Variants in OVOL3 observed in about 807,000 individuals in gnomAD.
The protein encoded by OVOL3 is ovo like zinc finger 3.
Under a neutral mutation model 13.6 loss-of-function variants are expected in OVOL3, and 15 were observed. The ratio of observed to expected loss-of-function variants is 1.11; its 90% CI spans 0.74 to 1.70. OVOL3 has a LOEUF of 1.70. Among genes scored for constraint, OVOL3 ranks in the 40% most tolerant of loss-of-function variants. The pLI is 0.00. For missense variants in OVOL3, 290 were observed against 280.6 expected (o/e 1.03, Z -0.24); for synonymous variants, 102 against 108.5 (o/e 0.94, Z 0.37).
chr19:36,113,445 C>G lies in OVOL3; in HGVS notation c.365-8C>G. ...GTCCAGCCCTCCCCTCTGCGCCCAT[C>G]TGTGCAGGGATCCGGCCCTTCCGCT... On this transcript the variant is annotated splice_polypyrimidine_tract_variant and splice_region_variant and intron_variant, in intron 3 of 3. Coordinates refer to ENST00000633214, the MANE Select transcript of OVOL3 (RefSeq NM_001302757.2). 5 of 1,531,378 alleles carry G rather than the reference C, an allele frequency of 3.3e-6. No homozygotes were observed. Among genetic ancestry groups the G allele is most frequent in the Non-Finnish European group, 4.4e-6 (5 of 1,142,930 alleles). 94.9% of individuals were successfully genotyped at this position (1,531,378 alleles called of 1,614,324 possible). A position where few individuals can be genotyped will look rare whatever the true frequency, so the allele number is the denominator to read the frequency against.
At position 36,113,687 on chromosome 19, in the gene OVOL3, G is replaced by A. The variant is rs1057238275; in HGVS notation, c.*26G>A. On this transcript the variant is annotated 3_prime_UTR_variant, in exon 4 of 4. Transcript: ENST00000633214. Reference sequence around the variant, plus strand: ...TACGGTGTGCCAGCGTCCTCCCCACGAGGCAAATAAACACAGAAAACTCAC... The same window carrying A: ...TACGGTGTGCCAGCGTCCTCCCCACAAGGCAAATAAACACAGAAAACTCAC... 1.3e-6 allele frequency: 2 copies of A among 1,560,740 alleles called. No homozygotes were observed. The highest frequency in any genetic ancestry group is 2.4e-5 in the East Asian group (1 of 41,620).
rs1451129520 is a variant in OVOL3, at chr19:36,113,509, CT to C, written c.422del (p.Leu141ArgfsTer?). 3.3e-6 allele frequency: 5 copies of C among 1,536,164 alleles called. No homozygotes were observed. The East Asian group carries it at 9.8e-5, about 30-fold the overall frequency. On this transcript the variant is annotated frameshift_variant, in exon 4 of 4. Transcript: ENST00000633214. LOFTEE classifies it high-confidence loss of function. The part of the protein sequence containing the change: ...CGKAFTQRCS[L>X]EAHLAKVHGQ... ...GAAAGCGTTTACGCAGCGCTGCTCC[CT>C]GGAAGCTCACCTTGCTAAGGTGCAT...
rs771391427 is a variant in OVOL3 at position 36,113,628 on chromosome 19, C to T, written c.540C>T (p.Tyr180=). The T allele has an allele frequency of 5.2e-6, 8 of 1,545,946 alleles. No homozygotes were observed. The highest frequency in any genetic ancestry group is 7.0e-6 in the Non-Finnish European group (8 of 1,146,868). The change falls in exon 4 of 4, where the codon TAC becomes TAT. Residue 180 remains tyrosine (Y), a synonymous_variant. Coordinates refer to ENST00000633214, the MANE Select transcript of OVOL3 (RefSeq NM_001302757.2). The part of the protein sequence containing the change: ...CGFTSSRPDT[Y]AQHRALHRAA ...TCACCAGCTCCCGGCCCGACACCTACGCACAGCACCGCGCCCTGCACCGCG... is the reference window on the plus strand; with the variant it reads ...TCACCAGCTCCCGGCCCGACACCTATGCACAGCACCGCGCCCTGCACCGCG...
rs2145901852 is a variant in OVOL3 at position 36,113,077 on chromosome 19, A to G, written c.364+113A>G. ...CATGGTTTGTGTATGTGGGGTATGGAGAATCAAGACATGATGTCTCTCGGA... is the reference window on the plus strand; with the variant it reads ...CATGGTTTGTGTATGTGGGGTATGGGGAATCAAGACATGATGTCTCTCGGA... On this transcript the variant is annotated intron_variant, in intron 3 of 3. Coordinates refer to ENST00000633214, the MANE Select transcript of OVOL3 (RefSeq NM_001302757.2). 6 of 1,180,378 alleles carry G rather than the reference A, an allele frequency of 5.1e-6. No homozygotes were observed. In the South Asian group the frequency reaches 8.8e-5, roughly 17 times the overall value. The allele number at this position is 1,180,378 out of a possible 1,614,324, so 73.1% of individuals were successfully genotyped here. A position where few individuals can be genotyped will look rare whatever the true frequency, so the allele number is the denominator to read the frequency against.
At chr19:36,112,569 A>G (rs2145901166) in intron 2 of OVOL3, among the ~76,000 whole-genome samples, 191 bp from the exon 3 acceptor site, 1 of 152,180 alleles carries the variant, frequency 6.6e-6, no homozygotes, top group Non-Finnish European at 1.5e-5. Context: ...CTTGGCATAG[A>G]GAAAGTAAGG....
intron 2 of OVOL3, among the ~76,000 whole-genome samples, 172 bp from the exon 3 acceptor site, chr19:36,112,588 A>G (rs1476007254): frequency 6.6e-6 from 1 of 152,018 alleles, no homozygotes; most frequent in African/African-American, 2.4e-5. Context: ...GGACCATGGG[A>G]TAGTGAGGGA....
At position 36,111,420 on chromosome 19, in the gene OVOL3, A is replaced by G. The variant is rs898648442; in HGVS notation, c.146A>G (p.Asp49Gly). 3.2e-5 allele frequency: 49 copies of G among 1,535,834 alleles called. No individual in the cohort carries two copies. Among genetic ancestry groups the G allele is most frequent in the Non-Finnish European group, 4.2e-5 (48 of 1,146,832 alleles). The change falls in exon 2 of 4, where the codon GAT (aspartate) becomes GGT (glycine). Residue 49 changes from aspartate (D) to glycine (G), a missense_variant. Physicochemically the swap from Asp to Gly is moderately conservative, Grantham distance 94. Transcript: ENST00000633214. ...GCACAACAGTCGTCCAGTGTCAGGG[A>G]TCCGTGGACAGCGGTGAGTGTGTAA... ...PPAQQSSSVR[D>G]PWTAQPTQGN...
Position 36,112,850 on chromosome 19 carries a change from A to C in OVOL3, c.250A>C (p.Met84Leu), listed in dbSNP as rs746723273. The stretch of plus-strand genomic sequence containing the variant: ...CCCTAAGGCCTTCCCTCTGCAGCGC[A>C]TGCTGACAAGGCACCTCAAGTGCCA... ...LCPKAFPLQR[M>L]LTRHLKCHSP... The change falls in exon 3 of 4, where the codon ATG becomes CTG. Residue 84 changes from methionine (M) to leucine (L), a missense_variant. Coordinates refer to ENST00000633214, the MANE Select transcript of OVOL3 (RefSeq NM_001302757.2). 2.6e-6 allele frequency: 4 copies of C among 1,536,096 alleles called. No homozygotes were observed. The South Asian group carries it at 4.8e-5, about 18-fold the overall frequency.
Position 36,112,872 on chromosome 19 carries a change from G to A in OVOL3, c.272G>A (p.Cys91Tyr). The change falls in exon 3 of 4, where the codon TGC (cysteine) becomes TAC (tyrosine). Residue 91 changes from cysteine (C) to tyrosine (Y), a missense_variant. By Grantham distance (194) the Cys-to-Tyr change is radical (BLOSUM62 -2). Coordinates refer to ENST00000633214, the MANE Select transcript of OVOL3 (RefSeq NM_001302757.2). ...LQRMLTRHLK[C>Y]HSPVRRHLCR... ...CGCATGCTGACAAGGCACCTCAAGT[G>A]CCACAGCCCCGTGCGCCGCCACCTG... is the stretch of plus-strand genomic sequence containing the variant. 1 of 1,536,138 alleles carries A rather than the reference G, an allele frequency of 6.5e-7. No homozygotes were observed. The highest frequency in any genetic ancestry group is 8.7e-7 in the Non-Finnish European group (1 of 1,146,924).
chr19:36,112,104 G>A (rs1568378831), intron 2 of OVOL3, among the ~76,000 whole-genome samples: 1 of 152,138 alleles, frequency 6.6e-6, no homozygotes, highest in African/African-American at 2.4e-5. Flanking sequence ...AGGAGGCTGA[G>A]GCAGGAGAAT....
chr19:36,111,375 GCAGCCTGGGGGGGCCACCGGCACAA>G lies in OVOL3; in HGVS notation c.105_129del (p.Leu36ArgfsTer17). The G allele has an allele frequency of 6.5e-7, 1 of 1,535,930 alleles. No individual in the cohort carries two copies. The highest frequency in any genetic ancestry group is 2.4e-5 in the East Asian group (1 of 40,916). ...ATCTGGCTTTTCTCCTCAGACTGCA[GCAGCCTGGGGGGGCCACCGGCACAA>G]CAGTCGTCCAGTGTCAGGGATCCGT... On this transcript the variant is annotated frameshift_variant, in exon 2 of 4. Transcript: ENST00000633214. LOFTEE classifies it high-confidence loss of function.
At position 36,111,400 on chromosome 19, in the gene OVOL3, A is replaced by G. The variant is rs930116555; in HGVS notation, c.126A>G (p.Gln42=). 1 of 1,536,018 alleles carries G rather than the reference A, an allele frequency of 6.5e-7. No individual in the cohort carries two copies. The highest frequency in any genetic ancestry group is 1.4e-5 in the African/African-American group (1 of 73,144). The stretch of plus-strand genomic sequence containing the variant: ...GCAGCCTGGGGGGGCCACCGGCACA[A>G]CAGTCGTCCAGTGTCAGGGATCCGT... ...DCSSLGGPPA[Q]QSSSVRDPWT... is the part of the protein sequence containing the mutation. Residue 42 remains glutamine (Q), a synonymous_variant, in exon 2 of 4, where the codon CAA becomes CAG. Coordinates refer to ENST00000633214, the MANE Select transcript of OVOL3 (RefSeq NM_001302757.2).
chr19:36,113,355 C>A, intron 3 of OVOL3, 98 bp from the exon 4 acceptor site: 1 of 1,235,682 alleles, frequency 8.1e-7, no homozygotes, highest in Non-Finnish European at 1.1e-6. Flanking sequence ...GGAATAGGTA[C>A]CAGAAATGCT....
chr19:36,112,363 T>TA (rs374632900), intron 2 of OVOL3, among the ~76,000 whole-genome samples: 1 of 151,796 alleles, frequency 6.6e-6, no homozygotes, highest in Non-Finnish European at 1.5e-5. Flanking sequence ...CTACAAAAAA[T>TA]AAAAAAATTA....
At chr19:36,112,715 G>A (rs1253677053) in intron 2 of OVOL3, 45 bp from the exon 3 acceptor site, 2 of 1,478,996 alleles carry the variant, frequency 1.4e-6, no homozygotes, top group African/African-American at 1.4e-5. Context: ...ACAAAGGGTG[G>A]ATGGGGTCCA....
In OVOL3 at chr19:36,112,808, C is replaced by G. The variant is rs1430723322; in HGVS notation, c.208C>G (p.Leu70Val). Residue 70 changes from leucine (L) to valine (V), a missense_variant, in exon 3 of 4, where the codon CTG becomes GTG. Leu to Val is a conservative substitution (Grantham distance 32). Coordinates refer to ENST00000633214, the MANE Select transcript of OVOL3 (RefSeq NM_001302757.2). ...LTSAPRGPGT[L>V]GCPLCPKAFP... The stretch of plus-strand genomic sequence containing the variant: ...CTCTGCTCCCAGGGGCCCTGGGACG[C>G]TGGGCTGCCCGCTCTGCCCTAAGGC... The G allele has an allele frequency of 8.5e-6, 13 of 1,535,248 alleles. No individual in the cohort carries two copies. The Admixed American group carries it at 1.8e-4, about 21-fold the overall frequency.
chr19:36,113,470 T>G lies in OVOL3; in HGVS notation c.382T>G (p.Cys128Gly), dbSNP rs1973875629. The G allele has an allele frequency of 1.3e-6, 2 of 1,535,288 alleles. No individual in the cohort carries two copies. The highest frequency in any genetic ancestry group is 1.7e-6 in the Non-Finnish European group (2 of 1,146,300). The change falls in exon 4 of 4, where the codon TGC becomes GGC. Residue 128 changes from cysteine (C) to glycine (G), a missense_variant. By Grantham distance (159) the Cys-to-Gly change is radical. Transcript: ENST00000633214. ...CTGTGCAGGGATCCGGCCCTTCCGCTGCAGTGCTTGCGGGAAAGCGTTTAC... is the reference window on the plus strand; with the variant it reads ...CTGTGCAGGGATCCGGCCCTTCCGCGGCAGTGCTTGCGGGAAAGCGTTTAC... Reference protein sequence around the residue: ...RTHTGIRPFRCSACGKAFTQR... With the variant: ...RTHTGIRPFRGSACGKAFTQR...
chr19:36,113,662 T>G lies in OVOL3; in HGVS notation c.*1T>G, dbSNP rs1568379757. On this transcript the variant is annotated 3_prime_UTR_variant, in exon 4 of 4. Coordinates refer to ENST00000633214, the MANE Select transcript of OVOL3 (RefSeq NM_001302757.2). ...CCGCGCCCTGCACCGCGCAGCCTGA[T>G]ACGGTGTGCCAGCGTCCTCCCCACG... 2.6e-6 allele frequency: 4 copies of G among 1,549,442 alleles called. No homozygotes were observed. The Admixed American group carries it at 7.8e-5, about 30-fold the overall frequency.
In OVOL3 at chr19:36,111,520, G is replaced by A. The variant is rs147386664; in HGVS notation, c.159+87G>A. 115 of 1,360,994 alleles carry A rather than the reference G, an allele frequency of 8.4e-5. No homozygotes were observed. The East Asian group carries it at 2.2e-3, about 26-fold the overall frequency. 84.3% of individuals were successfully genotyped at this position (1,360,994 alleles called of 1,614,324 possible). A position where few individuals can be genotyped will look rare whatever the true frequency, so the allele number is the denominator to read the frequency against. Reference sequence around the variant, plus strand: ...GAAGCTGACAGCCCCTTGCTCCCCCGACCCATCTGCACACGCCCTCCAGCC... The same window carrying A: ...GAAGCTGACAGCCCCTTGCTCCCCCAACCCATCTGCACACGCCCTCCAGCC... On this transcript the variant is annotated intron_variant, in intron 2 of 3. Coordinates refer to ENST00000633214, the MANE Select transcript of OVOL3 (RefSeq NM_001302757.2).
Sources: gnomAD v4.1 joint callset for allele counts (sites outside exome capture counted in the v4.1 genomes callset) on GRCh38, gnomAD v4.1.1 for gene constraint, MANE v1.5 for transcripts, NCBI Gene and HGNC (gene_info 2026-07-23, HGNC 2026-07-21) for gene names.